The following NELL1 variants were observed in gnomAD, a reference collection of about 807,000 sequenced individuals.
NELL1 encodes the protein protein kinase C-binding protein NELL1.
In NELL1, 76 loss-of-function variants were observed where a neutral mutation model predicts 107.4. The ratio of observed to expected loss-of-function variants is 0.71; its 90% CI spans 0.59 to 0.86. NELL1 has a LOEUF of 0.86. Ranked by LOEUF, NELL1 falls within the 40% of genes least tolerant of loss-of-function variation. The pLI is 0.00. For missense variants in NELL1, 1,024 were observed against 1,005.5 expected (o/e 1.02, Z -0.25); for synonymous variants, 353 against 341.2 (o/e 1.03, Z -0.38).
At chr11:21,386,995 A>G (rs1259529190) in intron 15 of NELL1, among the ~76,000 whole-genome samples, 1 of 151,866 alleles carries the variant, frequency 6.6e-6, no homozygotes, top group African/African-American at 2.4e-5. Context: ...GAAGGTGAGC[A>G]TTGACCAACA....
intron 10 of NELL1, among the ~76,000 whole-genome samples, chr11:20,946,906 C>T (rs1015613506): frequency 6.6e-6 from 1 of 152,172 alleles, no homozygotes; most frequent in African/African-American, 2.4e-5. Context: ...TGCCAGAGCT[C>T]ACATAAGCTC....
chr11:21,315,950 A>C (rs1243571072), intron 14 of NELL1, among the ~76,000 whole-genome samples: 1 of 151,838 alleles, frequency 6.6e-6, no homozygotes, highest in South Asian at 2.1e-4. Context: ...GAGTGTTTTA[A>C]AAGCTAAGAT....
intron 2 of NELL1, among the ~76,000 whole-genome samples, chr11:20,778,846 A>G (rs980128967): frequency 2.6e-5 from 4 of 152,168 alleles, no homozygotes; most frequent in African/African-American, 4.8e-5. Context: ...ATCTAGGAGG[A>G]AACAGGGGAA....
chr11:21,203,430 C>CTTTTT (rs35689054), intron 13 of NELL1, among the ~76,000 whole-genome samples: 3 of 101,268 alleles, frequency 3.0e-5, no homozygotes, highest in Admixed American at 1.0e-4. Flanking sequence ...GCAACCCTTG[C>CTTTTT]TTTTTTTTTT....
intron 15 of NELL1, among the ~76,000 whole-genome samples, chr11:21,414,534 TCC>T (rs879482468): frequency 6.0e-4 from 25 of 41,390 alleles, no homozygotes; most frequent in East Asian, 1.0e-3. Flanking sequence ...AAATGGACTC[TCC>T]CTCCGGTGTA....
At chr11:21,015,418 T>G (rs1852542345) in intron 12 of NELL1, among the ~76,000 whole-genome samples, 1 of 152,112 alleles carries the variant, frequency 6.6e-6, no homozygotes, top group Admixed American at 6.5e-5. Context: ...TCATAGTGGT[T>G]CCTACCTTAG....
intron 12 of NELL1, among the ~76,000 whole-genome samples, chr11:21,063,958 C>T (rs1853806287): frequency 6.6e-6 from 1 of 152,174 alleles, no homozygotes; most frequent in African/African-American, 2.4e-5. Flanking sequence ...ATTTGTAATA[C>T]ACTGTTCAGT....
At chr11:21,141,362 C>T (rs1855863311) in intron 13 of NELL1, among the ~76,000 whole-genome samples, 1 of 152,216 alleles carries the variant, frequency 6.6e-6, no homozygotes, top group Non-Finnish European at 1.5e-5. Context: ...GCATCTAGAG[C>T]TGGAAGATTT....
chr11:20,766,899 C>T (rs1363643514), intron 2 of NELL1, among the ~76,000 whole-genome samples: 3 of 152,102 alleles, frequency 2.0e-5, no homozygotes, highest in East Asian at 1.9e-4. Context: ...TGCACCACCA[C>T]GCCCAGTTAA....
chr11:21,112,704 T>C (rs1855135924), intron 12 of NELL1, among the ~76,000 whole-genome samples: 1 of 152,052 alleles, frequency 6.6e-6, no homozygotes, highest in Non-Finnish European at 1.5e-5. Flanking sequence ...GACAAAATGA[T>C]GAGGATACTT....
intron 12 of NELL1, among the ~76,000 whole-genome samples, chr11:21,020,115 T>C (rs768711485): frequency 2.6e-5 from 4 of 152,130 alleles, no homozygotes; most frequent in Non-Finnish European, 4.4e-5. Context: ...TGGTTATATG[T>C]CAATTAATAT....
At chr11:21,044,577 G>A (rs1325437007) in intron 12 of NELL1, among the ~76,000 whole-genome samples, 2 of 152,106 alleles carry the variant, frequency 1.3e-5, no homozygotes, top group East Asian at 1.9e-4. Flanking sequence ...AAGTGAATGG[G>A]AAAGATCCAA....
intron 3 of NELL1, among the ~76,000 whole-genome samples, chr11:20,808,073 G>A (rs527789061): frequency 6.6e-6 from 1 of 152,300 alleles, no homozygotes; most frequent in South Asian, 2.1e-4. Flanking sequence ...TAAGCTGTAA[G>A]ACAAAATCCT....
chr11:20,827,239 A>G (rs1217398632), intron 3 of NELL1, among the ~76,000 whole-genome samples: 1 of 151,274 alleles, frequency 6.6e-6, no homozygotes, highest in African/African-American at 2.4e-5. Context: ...CCAGTGTCAA[A>G]GTAAACTTAT....
chr11:21,251,068 T>C (rs906783975), intron 14 of NELL1, among the ~76,000 whole-genome samples: 6 of 152,174 alleles, frequency 3.9e-5, no homozygotes, highest in African/African-American at 1.4e-4. Flanking sequence ...TAAATGCCAT[T>C]TATCAGGCAT....
intron 13 of NELL1, among the ~76,000 whole-genome samples, chr11:21,185,804 T>A (rs1856923698): frequency 6.6e-6 from 1 of 151,828 alleles, no homozygotes; most frequent in Admixed American, 6.6e-5. Context: ...TAAGTTCTAG[T>A]AAAATGGATT....
chr11:21,208,328 C>T (rs1857431274), intron 13 of NELL1, among the ~76,000 whole-genome samples: 1 of 151,768 alleles, frequency 6.6e-6, no homozygotes, highest in South Asian at 2.1e-4. Context: ...TCCCGTTTAT[C>T]TTCTCTTCAA....
intron 2 of NELL1, among the ~76,000 whole-genome samples, chr11:20,705,751 T>G (rs1458870938): frequency 1.3e-5 from 2 of 148,606 alleles, no homozygotes; most frequent in East Asian, 1.9e-4. Context: ...GGAGAAAATT[T>G]TTGCAACCTA....
At chr11:20,872,671 G>GGTGTGTGT (rs61184129) in intron 4 of NELL1, among the ~76,000 whole-genome samples, 18,127 of 136,924 alleles carry the variant, frequency 0.13, 1,462 homozygotes, top group Admixed American at 0.17. Flanking sequence ...CAGTGTTTGA[G>GGTGTGTGT]GTGTGTGTGT....
Sources: allele counts gnomAD v4.1 joint callset (sites outside exome capture counted in the v4.1 genomes callset), GRCh38; gene constraint gnomAD v4.1.1; transcripts MANE v1.5; gene names NCBI Gene and HGNC (gene_info 2026-07-23, HGNC 2026-07-21).